NXPE2: variants seen among roughly 807,000 people sequenced by gnomAD.
The protein encoded by NXPE2 is NXPE family member 2.
Under a neutral mutation model 34.4 loss-of-function variants are expected in NXPE2, and 34 were observed. The observed-to-expected ratio is 0.99, with a 90% CI of 0.75 to 1.31. The LOEUF is 1.31. Among genes scored for constraint, NXPE2 ranks in the 40% most tolerant of loss-of-function variants. NXPE2 has a pLI of 0.00. For synonymous variants in NXPE2, 235 were observed against 231.3 expected (o/e 1.02, Z -0.15); for missense variants, 649 against 672.5 (o/e 0.97, Z 0.39).
chr11:114,546,108 C>G, the NXPE2 span, among the ~76,000 whole-genome samples: 6 of 152,312 alleles, frequency 3.9e-5, no homozygotes, highest in African/African-American at 1.4e-4. Flanking sequence ...TATGACATAA[C>G]CTTGCTGGAT....
chr11:114,552,111 G>C, the NXPE2 span: 1 of 152,174 alleles, frequency 6.6e-6, no homozygotes, highest in African/African-American at 2.4e-5. Flanking sequence ...GGAAGTGAGA[G>C]AACAAAGGAT....
chr11:114,546,503 T>C, the NXPE2 span, among the ~76,000 whole-genome samples: 1 of 151,562 alleles, frequency 6.6e-6, no homozygotes, highest in South Asian at 2.1e-4. Flanking sequence ...GGTTTTGCTA[T>C]GTTGACCAGA....
the NXPE2 span, among the ~76,000 whole-genome samples, chr11:114,562,481 GA>G: frequency 4.6e-5 from 7 of 152,142 alleles, no homozygotes; most frequent in Admixed American, 4.6e-4. Flanking sequence ...GGAATCATAG[GA>G]AAAGACAGAA....
At chr11:114,531,154 T>A in the NXPE2 span, among the ~76,000 whole-genome samples, 1 of 151,956 alleles carries the variant, frequency 6.6e-6, no homozygotes, top group Non-Finnish European at 1.5e-5. Context: ...ATTGTGATAA[T>A]TTTGTATAAA....
At chr11:114,569,408 T>C in the NXPE2 span, among the ~76,000 whole-genome samples, 1 of 152,140 alleles carries the variant, frequency 6.6e-6, no homozygotes, top group African/African-American at 2.4e-5. Flanking sequence ...TTTCAGACAA[T>C]AGTGGCTCGC....
chr11:114,635,392 C>T, the NXPE2 span, among the ~76,000 whole-genome samples: 2 of 151,036 alleles, frequency 1.3e-5, no homozygotes, highest in South Asian at 2.1e-4. Flanking sequence ...TCTAGATATA[C>T]AATCATGTCG....
chr11:114,803,585 T>TCTCTC, the NXPE2 span, among the ~76,000 whole-genome samples: 3 of 77,380 alleles, frequency 3.9e-5, no homozygotes, highest in Admixed American at 1.5e-4. Flanking sequence ...TCTCTCTCTC[T>TCTCTC]TTTTTTTTTT....
At chr11:114,527,905 C>A in the NXPE2 span, 18 of 1,486,944 alleles carry the variant, frequency 1.2e-5, no homozygotes, top group East Asian at 2.5e-5. Context: ...TTTGGACCTT[C>A]AAAAAAAAAA....
At chr11:114,721,791 T>A in the NXPE2 span, among the ~76,000 whole-genome samples, 1 of 152,134 alleles carries the variant, frequency 6.6e-6, no homozygotes, top group African/African-American at 2.4e-5. Flanking sequence ...GTCAAAATCA[T>A]AACAATGGCC....
the NXPE2 span, chr11:114,522,531 A>T: frequency 6.7e-7 from 1 of 1,494,566 alleles, no homozygotes; most frequent in Admixed American, 2.0e-5. Context: ...AGATGTTTTA[A>T]ATAGAAGATA....
At chr11:114,780,160 T>C in the NXPE2 span, among the ~76,000 whole-genome samples, 2 of 152,148 alleles carry the variant, frequency 1.3e-5, no homozygotes, top group African/African-American at 4.8e-5. Flanking sequence ...GTCTCCCAAA[T>C]AGCTTCAAAG....
chr11:114,758,172 G>A, the NXPE2 span, among the ~76,000 whole-genome samples: 17 of 152,092 alleles, frequency 1.1e-4, no homozygotes, highest in Non-Finnish European at 1.6e-4. Context: ...CTTCTTCTCC[G>A]TCCACTAACC....
At chr11:114,641,016 C>T in the NXPE2 span, among the ~76,000 whole-genome samples, 1,061 of 151,928 alleles carry the variant, frequency 7.0e-3, 7 homozygotes, top group Non-Finnish European at 0.011. Flanking sequence ...TGATAAGGTA[C>T]AAATATGTAA....
At chr11:114,732,647 T>TTAAACAATTTTTTTTTAAATTATC in the NXPE2 span, among the ~76,000 whole-genome samples, 1 of 151,660 alleles carries the variant, frequency 6.6e-6, no homozygotes, top group Non-Finnish European at 1.5e-5. Context: ...TCCTTGGACT[T>TTAAACAATTTTTTTTTAAATTATC]TAAACAATTT....
chr11:114,726,814 A>C, the NXPE2 span, among the ~76,000 whole-genome samples: 2 of 152,076 alleles, frequency 1.3e-5, no homozygotes, highest in Non-Finnish European at 2.9e-5. Context: ...CGGTTTATCC[A>C]AGTTCTTTGC....
At chr11:114,746,883 C>CAA in the NXPE2 span, among the ~76,000 whole-genome samples, 33 of 126,612 alleles carry the variant, frequency 2.6e-4, no homozygotes, top group African/African-American at 7.9e-4. Context: ...AAGCCAAAAC[C>CAA]AAAAAAAAAA....
chr11:114,522,379 G>A, the NXPE2 span: 1 of 1,614,126 alleles, frequency 6.2e-7, no homozygotes, highest in Non-Finnish European at 8.5e-7. Flanking sequence ...CTATCAGAGA[G>A]TAGAGCTGGA....
chr11:114,573,852 A>G, the NXPE2 span, among the ~76,000 whole-genome samples: 1 of 152,098 alleles, frequency 6.6e-6, no homozygotes, highest in Non-Finnish European at 1.5e-5. Context: ...ATACCCTAAA[A>G]CAAATGAACT....
the NXPE2 span, among the ~76,000 whole-genome samples, chr11:114,612,480 C>T: frequency 1.3e-5 from 2 of 149,784 alleles, no homozygotes; most frequent in Non-Finnish European, 3.0e-5. Context: ...TCATGGGAAA[C>T]CACTGTTACC....
Sources: allele counts gnomAD v4.1 joint callset (sites outside exome capture counted in the v4.1 genomes callset), GRCh38; gene constraint gnomAD v4.1.1; transcripts MANE v1.5; gene names NCBI Gene and HGNC (gene_info 2026-07-23, HGNC 2026-07-21).